Variants in TMPRSS11F observed in about 807,000 individuals in gnomAD.
The protein encoded by TMPRSS11F is transmembrane protease serine 11F.
In TMPRSS11F, 47 loss-of-function variants were observed where a neutral mutation model predicts 60.2. The ratio of observed to expected loss-of-function variants is 0.78; its 90% CI spans 0.62 to 1.00. The LOEUF is 1.00. TMPRSS11F is among the 50% of genes least tolerant of loss of function. TMPRSS11F has a pLI of 0.00. For synonymous variants in TMPRSS11F, 166 were observed against 167.3 expected, an observed-to-expected ratio of 0.99 and a Z score of 0.06; for missense variants, 519 against 522.9, an observed-to-expected ratio of 0.99 and a Z score of 0.07.
At chr4:68,081,155 A>G (rs1353595077) in intron 3 of TMPRSS11F, among the ~76,000 whole-genome samples, 1 of 152,212 alleles carries the variant, frequency 6.6e-6, no homozygotes, top group Non-Finnish European at 1.5e-5. Flanking sequence ...TTTCAGTGAG[A>G]AGCTATTATT....
intron 1 of TMPRSS11F, among the ~76,000 whole-genome samples, chr4:68,103,445 C>CAA (rs56223617): frequency 7.0e-6 from 1 of 142,112 alleles, no homozygotes. Context: ...GACCCTGTCT[C>CAA]AAAAAAAAAA....
chr4:68,106,280 A>T (rs1724300924), intron 1 of TMPRSS11F, among the ~76,000 whole-genome samples: 1 of 152,170 alleles, frequency 6.6e-6, no homozygotes, highest in Non-Finnish European at 1.5e-5. Flanking sequence ...TTTCTATGGT[A>T]GGTCTATTGG....
intron 7 of TMPRSS11F, among the ~76,000 whole-genome samples, chr4:68,067,144 T>C (rs1447717378): frequency 2.6e-5 from 4 of 152,144 alleles, no homozygotes; most frequent in Non-Finnish European, 5.9e-5. Context: ...CTATAATGTG[T>C]CTCCCATATT....
At chr4:68,075,295 C>T (rs1723560809) in intron 3 of TMPRSS11F, among the ~76,000 whole-genome samples, 1 of 152,184 alleles carries the variant, frequency 6.6e-6, no homozygotes, top group African/African-American at 2.4e-5. Context: ...GCAGCCTCCT[C>T]ATGGCATGTT....
intron 1 of TMPRSS11F, 94 bp from the exon 2 acceptor site, chr4:68,099,132 C>T: frequency 3.6e-6 from 4 of 1,110,812 alleles, no homozygotes; most frequent in South Asian, 1.6e-5. Flanking sequence ...ATAGTTTATA[C>T]TGCTAAATAA....
intron 2 of TMPRSS11F, among the ~76,000 whole-genome samples, chr4:68,098,500 T>G (rs1479232577): frequency 6.6e-6 from 1 of 152,196 alleles, no homozygotes; most frequent in Non-Finnish European, 1.5e-5. Context: ...CTTTAGCCCT[T>G]TAAAGGTATT....
In TMPRSS11F at chr4:68,079,947, A is replaced by G. The variant is rs185186237; in HGVS notation, c.283-5938T>C. Among the ~76,000 whole-genome samples, 79 of 152,376 alleles carry G rather than the reference A, an allele frequency of 5.2e-4. 1 individual carries two copies. The highest frequency in any genetic ancestry group is 3.3e-3 in the Admixed American group (50 of 15,312). ...TTGGTTGTGAACTAAATGCAGATTA[A>G]GTCCTCAAGGAAGATCAGTAGTTAC... On this transcript the variant is annotated intron_variant, in intron 3 of 9. Transcript: ENST00000356291.
intron 2 of TMPRSS11F, among the ~76,000 whole-genome samples, chr4:68,095,431 T>C (rs76723279): frequency 0.036 from 5,437 of 152,196 alleles, 274 homozygotes; most frequent in African/African-American, 0.11. Context: ...CTCTACATCA[T>C]TGTAGAACAG....
In TMPRSS11F at chr4:68,083,667, T is replaced by A. The variant is rs535212593; in HGVS notation, c.282+6856A>T. ...TGTCAAGGGAAATAAATAATAATAA[T>A]AAAAAAAGCCCCATTCAAACGACAG... On this transcript the variant is annotated intron_variant, in intron 3 of 9. Coordinates refer to ENST00000356291, the MANE Select transcript of TMPRSS11F (RefSeq NM_207407.2). Among the ~76,000 whole-genome samples, 247 of 140,442 alleles carry A rather than the reference T, an allele frequency of 1.8e-3. 2 individuals carry two copies. The highest frequency in any genetic ancestry group is 7.5e-3 in the African/African-American group (240 of 31,912). 92.1% of individuals were successfully genotyped at this position (140,442 alleles called of 152,430 possible).
At chr4:68,104,505 C>T (rs911690754) in intron 1 of TMPRSS11F, among the ~76,000 whole-genome samples, 3 of 152,088 alleles carry the variant, frequency 2.0e-5, no homozygotes, top group African/African-American at 4.8e-5. Flanking sequence ...CCTGCCTTCA[C>T]GCTGTACTTC....
chr4:68,099,104 C>T (rs891811634), intron 1 of TMPRSS11F, 66 bp from the exon 2 acceptor site: 12 of 1,330,320 alleles, frequency 9.0e-6, no homozygotes, highest in Middle Eastern at 1.9e-4. Context: ...TGTTTACTTA[C>T]TATGTTCCTC....
At chr4:68,117,846 T>A (rs925749773) in intron 1 of TMPRSS11F, among the ~76,000 whole-genome samples, 4 of 152,228 alleles carry the variant, frequency 2.6e-5, no homozygotes, top group African/African-American at 9.6e-5. Context: ...TCCATCTCTG[T>A]GGCTAAGGGC....
intron 9 of TMPRSS11F, among the ~76,000 whole-genome samples, chr4:68,056,960 G>T (rs986506382): frequency 1.4e-4 from 22 of 152,164 alleles, no homozygotes; most frequent in African/African-American, 5.3e-4. Context: ...TTCAATAAAT[G>T]GTGCTGGGAA....
At chr4:68,073,908 T>A (rs1344236035) in intron 4 of TMPRSS11F, 34 bp downstream of exon 4, 1 of 1,347,770 alleles carries the variant, frequency 7.4e-7, no homozygotes, top group Non-Finnish European at 1.0e-6. Context: ...ATCTTAACAG[T>A]ATTAACTTGA....
intron 3 of TMPRSS11F, among the ~76,000 whole-genome samples, chr4:68,082,335 C>T (rs572357713): frequency 6.6e-6 from 1 of 152,146 alleles, no homozygotes; most frequent in Non-Finnish European, 1.5e-5. Context: ...CCTGCATGGA[C>T]CCCAGAGGGT....
At chr4:68,092,761 C>G (rs987458273) in intron 2 of TMPRSS11F, among the ~76,000 whole-genome samples, 1 of 152,044 alleles carries the variant, frequency 6.6e-6, no homozygotes, top group Non-Finnish European at 1.5e-5. Flanking sequence ...CAGAGTGACA[C>G]AGCTATTCTA....
At chr4:68,086,874 T>A (rs886256863) in intron 3 of TMPRSS11F, among the ~76,000 whole-genome samples, 1 of 151,904 alleles carries the variant, frequency 6.6e-6, no homozygotes, top group African/African-American at 2.4e-5. Context: ...ACTAAATCAG[T>A]AACAAAAAAC....
Position 68,073,958 on chromosome 4 carries a change from G to C in TMPRSS11F, c.334C>G (p.His112Asp). 6.3e-7 allele frequency: 1 copy of C among 1,578,970 alleles called. No homozygotes were observed. The highest frequency in any genetic ancestry group is 1.2e-5 in the South Asian group (1 of 84,592). Residue 112 changes from histidine (H) to aspartate (D), a missense_variant, in exon 4 of 10, where the codon CAT (histidine) becomes GAT (aspartate). Transcript: ENST00000356291. ...SSVGGRFIKS[H>D]VIKLSPDEQG... The stretch of plus-strand genomic sequence containing the variant: ...TTTACATACCTTAATTTGATAACAT[G>C]AGATTTGATAAATCGACCGCCTACA...
intron 1 of TMPRSS11F, among the ~76,000 whole-genome samples, chr4:68,126,657 T>C (rs1238311545): frequency 6.6e-6 from 1 of 152,204 alleles, no homozygotes; most frequent in Admixed American, 6.5e-5. Context: ...ATGTTGAGAG[T>C]CTGCAATGTG....
Sources: allele counts gnomAD v4.1 joint callset (sites outside exome capture counted in the v4.1 genomes callset), GRCh38; gene constraint gnomAD v4.1.1; transcripts MANE v1.5; gene names NCBI Gene and HGNC (gene_info 2026-07-23, HGNC 2026-07-21).